ATP2B4: variants seen among roughly 807,000 people sequenced by gnomAD.
ATP2B4 encodes the protein ATPase plasma membrane Ca2+ transporting 4.
ATP2B4 carries 39 observed loss-of-function variants against 110.3 expected under a neutral mutation model. That is an observed-to-expected ratio of 0.35 (90% CI 0.27 to 0.46). The LOEUF (loss-of-function observed/expected upper bound fraction) is 0.46. Ranked by LOEUF, ATP2B4 falls within the 20% of genes least tolerant of loss-of-function variation. The pLI, the probability that ATP2B4 is intolerant of heterozygous loss-of-function variation, is 1.00. For missense variants in ATP2B4, 1,135 were observed against 1,530.9 expected (o/e 0.74, Z 4.32); for synonymous variants, 538 against 571.7 (o/e 0.94, Z 0.84).
chr1:203,659,501 T>C (rs1428138810), intron 1 of ATP2B4, among the ~76,000 whole-genome samples: 1 of 151,654 alleles, frequency 6.6e-6, no homozygotes, highest in Non-Finnish European at 1.5e-5. Context: ...AAACGTTGTC[T>C]CTACAAAAAC....
intron 1 of ATP2B4, among the ~76,000 whole-genome samples, chr1:203,673,732 C>T (rs1558027208): frequency 1.3e-5 from 2 of 152,168 alleles, no homozygotes; most frequent in Admixed American, 6.5e-5. Flanking sequence ...TCCTGCTGAG[C>T]GTCTGGGGAC....
intron 1 of ATP2B4, among the ~76,000 whole-genome samples, chr1:203,660,228 A>G (rs1312066594): frequency 6.6e-6 from 1 of 152,198 alleles, no homozygotes; most frequent in African/African-American, 2.4e-5. Flanking sequence ...ATGCCAAAAC[A>G]TCATGTAACA....
At chr1:203,734,680 T>C (rs1160357774) in intron 20 of ATP2B4, among the ~76,000 whole-genome samples, 1 of 132,348 alleles carries the variant, frequency 7.6e-6, no homozygotes, top group Non-Finnish European at 1.6e-5. Flanking sequence ...CACTCCAACC[T>C]GGGCTACAGA....
chr1:203,738,726 G>A (rs917087005), intron 20 of ATP2B4, among the ~76,000 whole-genome samples: 10 of 152,162 alleles, frequency 6.6e-5, no homozygotes, highest in South Asian at 4.1e-4. Context: ...AGACATGAAC[G>A]TGCATTTGAA....
Position 203,708,418 on chromosome 1 carries a change from C to T in ATP2B4, c.1557+314C>T, listed in dbSNP as rs533468482. 1.8e-4 allele frequency among the ~76,000 whole-genome samples: 27 copies of T among 152,272 alleles called. 1 individual carries two copies. Among genetic ancestry groups the T allele is most frequent in the Non-Finnish European group, 3.1e-4 (21 of 68,026 alleles). On this transcript the variant is annotated intron_variant, in intron 10 of 20. Coordinates refer to ENST00000357681, the MANE Select transcript of ATP2B4 (RefSeq NM_001684.5). The stretch of plus-strand genomic sequence containing the variant: ...TTGGGCTTATCAGAAGTAAATTACT[C>T]ACTTTCTAGAAACAAGCATAGTGTA...
rs1178255875 is a variant in ATP2B4, at chr1:203,727,509, G to A, written c.3247G>A (p.Glu1083Lys). Residue 1083 changes from glutamate (E) to lysine (K), a missense_variant, in exon 20 of 21, where the codon GAG becomes AAG. Glu to Lys is a moderately conservative substitution (Grantham distance 56). Transcript: ENST00000357681. ...AEGLDEIDHAEMELRRGQILW... is the reference protein window; with the variant it reads ...AEGLDEIDHAKMELRRGQILW... ...GGGACTGGATGAGATTGACCATGCT[G>A]AGATGGAGCTGCGCCGAGGCCAGAT... The A allele has an allele frequency of 6.2e-7, 1 of 1,614,254 alleles. No individual in the cohort carries two copies. The highest frequency in any genetic ancestry group is 8.5e-7 in the Non-Finnish European group (1 of 1,180,036).
intron 1 of ATP2B4, among the ~76,000 whole-genome samples, chr1:203,639,294 T>G (rs757789110): frequency 6.6e-6 from 1 of 152,218 alleles, no homozygotes; most frequent in African/African-American, 2.4e-5. Flanking sequence ...TGTTCACTTA[T>G]CCATTTATTT....
intron 20 of ATP2B4, 74 bp from the exon 21 acceptor site, chr1:203,739,472 C>A: frequency 6.8e-7 from 1 of 1,460,950 alleles, no homozygotes; most frequent in Non-Finnish European, 9.3e-7. Context: ...CTCCTAAATC[C>A]ACCATCTCCT....
At chr1:203,697,237 C>T (rs754968273) in intron 2 of ATP2B4, among the ~76,000 whole-genome samples, 18 of 152,182 alleles carry the variant, frequency 1.2e-4, no homozygotes, top group East Asian at 1.9e-4. Context: ...GTCTTAAAGA[C>T]TCTGCCCTGA....
chr1:203,660,463 G>A (rs768685717), intron 1 of ATP2B4, among the ~76,000 whole-genome samples: 8 of 151,696 alleles, frequency 5.3e-5, no homozygotes, highest in Admixed American at 2.6e-4. Flanking sequence ...TGTAACAGCC[G>A]ATGAATAGGC....
intron 1 of ATP2B4, among the ~76,000 whole-genome samples, chr1:203,673,094 C>T (rs1205060275): frequency 1.3e-5 from 2 of 152,144 alleles, no homozygotes; most frequent in Non-Finnish European, 2.9e-5. Flanking sequence ...CCCATGTCAG[C>T]CTGGAGCTGA....
At position 203,721,305 on chromosome 1, in the gene ATP2B4, C is replaced by T. The variant is rs149815131; in HGVS notation, c.2707C>T (p.Arg903Cys). ...CCCTACGGAATCTCTGTTGAAGCGG[C>T]GCCCCTATGGCCGAAATAAGCCTCT... is the stretch of plus-strand genomic sequence containing the variant. ...EPPTESLLKR[R>C]PYGRNKPLIS... Residue 903 changes from arginine to cysteine, a missense_variant, in exon 17 of 21, where the codon CGC becomes TGC. By Grantham distance (180) the Arg-to-Cys change is radical. This residue lies in a region of ATP2B4 where 155 missense variants were observed against 186.2 expected (regional missense o/e 0.83). Coordinates refer to ENST00000357681, the MANE Select transcript of ATP2B4 (RefSeq NM_001684.5). 87 of 1,614,208 alleles carry T rather than the reference C, an allele frequency of 5.4e-5. No individual in the cohort carries two copies. The highest frequency in any genetic ancestry group is 2.3e-4 in the Admixed American group (14 of 60,022).
intron 6 of ATP2B4, among the ~76,000 whole-genome samples, chr1:203,701,789 G>T (rs1012459117): frequency 1.3e-5 from 2 of 152,154 alleles, no homozygotes; most frequent in South Asian, 2.1e-4. Flanking sequence ...CAGGCCAGGA[G>T]CAAGAGAAAG....
rs1278835899 is a variant in ATP2B4 at position 203,672,747 on chromosome 1, G to C, written c.-464-9995G>C. On this transcript the variant is annotated intron_variant, in intron 1 of 20. Coordinates refer to ENST00000357681, the MANE Select transcript of ATP2B4 (RefSeq NM_001684.5). ...TTTGTTTTCCCCTCATCTGTGTATG[G>C]GCCCCAGCATCGCTCATCTCCTGTG... Among the ~76,000 whole-genome samples the C allele has an allele frequency of 2.0e-5, 3 of 152,126 alleles. No individual in the cohort carries two copies. The East Asian group carries it at 5.8e-4, about 29-fold the overall frequency.
intron 20 of ATP2B4, among the ~76,000 whole-genome samples, chr1:203,734,703 C>T (rs1293470889): frequency 1.2e-5 from 1 of 81,650 alleles, no homozygotes; most frequent in Non-Finnish European, 2.3e-5. Flanking sequence ...GAGACTCCAT[C>T]TCAAAAAAAA....
At chr1:203,709,256 TC>T (rs1665935361) in intron 10 of ATP2B4, 44 bp from the exon 11 acceptor site, 1 of 1,608,192 alleles carries the variant, frequency 6.2e-7, no homozygotes. Context: ...CTCTGCCTTG[TC>T]AAGGCATCTT....
intron 1 of ATP2B4, among the ~76,000 whole-genome samples, chr1:203,658,488 G>A (rs139808749): frequency 6.6e-6 from 1 of 150,890 alleles, no homozygotes; most frequent in Non-Finnish European, 1.5e-5. Flanking sequence ...CTATGATGGC[G>A]CCACTGCACT....
chr1:203,701,960 G>A (rs1395378243), intron 6 of ATP2B4, 84 bp from the exon 7 acceptor site: 1 of 1,441,116 alleles, frequency 6.9e-7, no homozygotes, highest in African/African-American at 1.4e-5. Context: ...TTGTCCTTCT[G>A]GGCTCTGAGC....
intron 1 of ATP2B4, among the ~76,000 whole-genome samples, chr1:203,671,360 C>G (rs1664655716): frequency 6.6e-6 from 1 of 152,114 alleles, no homozygotes; most frequent in Non-Finnish European, 1.5e-5. Context: ...ATAAGTCTCA[C>G]TATGTTGCCA....
Sources: allele counts gnomAD v4.1 joint callset (sites outside exome capture counted in the v4.1 genomes callset), GRCh38; gene constraint gnomAD v4.1.1; regional missense constraint gnomAD v4.1.1; transcripts MANE v1.5; gene names NCBI Gene and HGNC (gene_info 2026-07-23, HGNC 2026-07-21).